The following WWOX variants were observed in gnomAD, a reference collection of about 807,000 sequenced individuals.
WWOX encodes WW domain containing oxidoreductase, also known as WW domain-containing oxidoreductase.
In WWOX, 69 loss-of-function variants were observed where a neutral mutation model predicts 46.2. The observed-to-expected ratio is 1.49, with a 90% confidence interval of 1.23 to 1.82. WWOX has a LOEUF of 1.82. Among genes scored for constraint, WWOX ranks in the 40% most tolerant of loss-of-function variants. The pLI is 0.00. For missense variants in WWOX, 919 were observed against 542.6 expected (o/e 1.69, Z -6.89); for synonymous variants, 359 against 202.6 (o/e 1.77, Z -6.56).
intron 5 of WWOX, among the ~76,000 whole-genome samples, chr16:78,326,380 C>T (rs2080615058): frequency 6.6e-6 from 1 of 151,968 alleles, no homozygotes; most frequent in African/African-American, 2.4e-5. Context: ...TTCTGCCACC[C>T]CTATCATACT....
intron 8 of WWOX, among the ~76,000 whole-genome samples, chr16:79,018,286 G>C (rs1324005756): frequency 6.6e-6 from 1 of 152,156 alleles, no homozygotes; most frequent in Non-Finnish European, 1.5e-5. Flanking sequence ...TCATTGTAAT[G>C]GTGTAAATTA....
At chr16:79,046,503 G>C (rs1165666496) in intron 8 of WWOX, among the ~76,000 whole-genome samples, 1 of 152,166 alleles carries the variant, frequency 6.6e-6, no homozygotes, top group African/African-American at 2.4e-5. Context: ...TCTGGTGAAG[G>C]CTGGGCTCCT....
At chr16:79,154,674 A>G (rs562501505) in intron 8 of WWOX, among the ~76,000 whole-genome samples, 2 of 152,338 alleles carry the variant, frequency 1.3e-5, no homozygotes, top group South Asian at 4.1e-4. Flanking sequence ...ACACTGTAAA[A>G]CAACCACGTT....
intron 8 of WWOX, among the ~76,000 whole-genome samples, chr16:78,654,526 CTG>C (rs1266380999): frequency 1.3e-5 from 2 of 152,134 alleles, no homozygotes; most frequent in Non-Finnish European, 2.9e-5. Context: ...AAACAATAAA[CTG>C]AGCTCTTTGG....
At chr16:78,524,746 A>T (rs1032792910) in intron 8 of WWOX, among the ~76,000 whole-genome samples, 15 of 149,100 alleles carry the variant, frequency 1.0e-4, no homozygotes, top group African/African-American at 3.4e-4. Context: ...GTAACAAAGT[A>T]TTAGCATTGT....
chr16:79,122,488 T>G (rs1481905176), intron 8 of WWOX, among the ~76,000 whole-genome samples: 2 of 152,072 alleles, frequency 1.3e-5, no homozygotes, highest in South Asian at 2.1e-4. Flanking sequence ...TCTCTTGCTA[T>G]TTCCTTTCTT....
intron 8 of WWOX, among the ~76,000 whole-genome samples, chr16:79,130,494 T>G (rs1434906763): frequency 6.6e-6 from 1 of 152,158 alleles, no homozygotes; most frequent in East Asian, 1.9e-4. Flanking sequence ...AGATGTCCTT[T>G]GAGCTGAGTC....
rs149647943 is a variant in WWOX, at chr16:78,192,263, C to T, written c.516+27974C>T. Among the ~76,000 whole-genome samples, 4 of 152,078 alleles carry T rather than the reference C, an allele frequency of 2.6e-5. No homozygotes were observed. In the East Asian group the frequency reaches 5.8e-4, roughly 22 times the overall value. ...TAATCCCAGCACTTTGGGATGCTGA[C>T]GCGGGTGGATCACATGAGGTCAGGA... On this transcript the variant is annotated intron_variant, in intron 5 of 8. Coordinates refer to ENST00000566780, the MANE Select transcript of WWOX (RefSeq NM_016373.4).
chr16:78,403,174 C>T (rs577706985), intron 6 of WWOX, among the ~76,000 whole-genome samples: 3 of 152,346 alleles, frequency 2.0e-5, no homozygotes, highest in South Asian at 2.1e-4. Context: ...GACTTGACCA[C>T]GTGCTTAAGC....
At chr16:78,149,221 T>G (rs2034313483) in intron 4 of WWOX, among the ~76,000 whole-genome samples, 1 of 152,024 alleles carries the variant, frequency 6.6e-6, no homozygotes, top group Non-Finnish European at 1.5e-5. Flanking sequence ...TTTTGGAAAT[T>G]AAAGAAAAAA....
At chr16:79,183,989 A>C (rs2050964082) in intron 8 of WWOX, among the ~76,000 whole-genome samples, 1 of 151,988 alleles carries the variant, frequency 6.6e-6, no homozygotes, top group South Asian at 2.1e-4. Context: ...CACTTTCTCA[A>C]CTCTCCTCAC....
intron 5 of WWOX, among the ~76,000 whole-genome samples, chr16:78,341,714 A>C (rs1184076422): frequency 8.3e-6 from 1 of 120,436 alleles, no homozygotes; most frequent in East Asian, 1.9e-4. Context: ...TCGAGTGTGG[A>C]AACCTCCATG....
chr16:78,693,293 G>A (rs920482288), intron 8 of WWOX, among the ~76,000 whole-genome samples: 10 of 152,106 alleles, frequency 6.6e-5, no homozygotes, highest in South Asian at 4.1e-4. Context: ...AATGCTTCCC[G>A]TCCCCACCAC....
chr16:78,515,735 G>A (rs2043221519), intron 8 of WWOX, among the ~76,000 whole-genome samples: 1 of 152,158 alleles, frequency 6.6e-6, no homozygotes. Flanking sequence ...CCCTAGGTCT[G>A]CGTGTTCAGC....
At chr16:78,442,897 C>T (rs1009403369) in intron 8 of WWOX, among the ~76,000 whole-genome samples, 1 of 151,814 alleles carries the variant, frequency 6.6e-6, no homozygotes, top group African/African-American at 2.4e-5. Context: ...CCGAGCCGGG[C>T]GAATCACGAG....
At chr16:79,048,518 T>C (rs1221931311) in intron 8 of WWOX, among the ~76,000 whole-genome samples, 1 of 152,092 alleles carries the variant, frequency 6.6e-6, no homozygotes, top group South Asian at 2.1e-4. Flanking sequence ...AGTAATCATA[T>C]ATATATATAA....
intron 8 of WWOX, among the ~76,000 whole-genome samples, chr16:78,863,881 C>A (rs1186835262): frequency 6.6e-6 from 1 of 152,228 alleles, no homozygotes; most frequent in Admixed American, 6.5e-5. Context: ...TTGGCCTCCT[C>A]CACTTAGCAT....
At chr16:78,592,787 C>T (rs1423448789) in intron 8 of WWOX, among the ~76,000 whole-genome samples, 3 of 152,132 alleles carry the variant, frequency 2.0e-5, no homozygotes, top group South Asian at 2.1e-4. Context: ...GCCACTCCAC[C>T]GTCATCGATG....
Position 78,655,914 on chromosome 16 carries a change from G to A in WWOX, c.1056+223162G>A, listed in dbSNP as rs192488159. Among the ~76,000 whole-genome samples, 329 of 152,232 alleles carry A rather than the reference G, an allele frequency of 2.2e-3. 1 individual carries two copies. The highest frequency in any genetic ancestry group is 7.3e-3 in the African/African-American group (302 of 41,538). On this transcript the variant is annotated intron_variant, in intron 8 of 8. Transcript: ENST00000566780. ...CAGTACCCCAGCTCTGTATTCGAGC[G>A]TGGTTATCTTTGTGCATCTTAAAAT...
Sources: allele counts gnomAD v4.1 joint callset (sites outside exome capture counted in the v4.1 genomes callset), GRCh38; gene constraint gnomAD v4.1.1; transcripts MANE v1.5; gene names NCBI Gene and HGNC (gene_info 2026-07-23, HGNC 2026-07-21).